Variants in VWA7 observed in about 807,000 individuals in gnomAD.
The protein encoded by VWA7 is von Willebrand factor A domain-containing protein 7.
Under a neutral mutation model 83.1 loss-of-function variants are expected in VWA7, and 66 were observed. That is an observed-to-expected ratio of 0.79 (90% CI 0.65 to 0.98). VWA7 has a LOEUF of 0.98. VWA7 is among the 50% of genes least tolerant of loss of function. The pLI, the probability that VWA7 is intolerant of heterozygous loss-of-function variation, is 0.00. For missense variants in VWA7, 1,080 were observed against 1,160.2 expected, an observed-to-expected ratio of 0.93 and a Z score of 1.00; for synonymous variants, 424 against 488.5, an observed-to-expected ratio of 0.87 and a Z score of 1.74.
chr6:31,765,797 G>A (rs1378772345), intron 16 of VWA7, 27 bp from the exon 17 acceptor site: 2 of 1,586,722 alleles, frequency 1.3e-6, no homozygotes, highest in Non-Finnish European at 8.6e-7. Context: ...GAGAATGACA[G>A]GGTGTGCTAG....
In VWA7 at chr6:31,776,928, G is replaced by T; in HGVS notation, c.-15-134C>A. On this transcript the variant is annotated intron_variant, in intron 1 of 16. Coordinates refer to ENST00000375688, the MANE Select transcript of VWA7 (RefSeq NM_025258.3). This position sits in a 1 kb window ranked among gnomAD's most constrained non-coding sequence, Gnocchi z 6.2. ...TCCAGCCTGGCTTCCCCACCCTCTCGCTGTCACCCAGACAACCTGAGGGCC... is the reference window on the plus strand; with the variant it reads ...TCCAGCCTGGCTTCCCCACCCTCTCTCTGTCACCCAGACAACCTGAGGGCC... 2.0e-6 allele frequency: 1 copy of T among 496,928 alleles called. No individual in the cohort carries two copies. The highest frequency in any genetic ancestry group is 3.4e-5 in the East Asian group (1 of 29,704). The allele number at this position is 496,928 out of a possible 1,614,324, so 30.8% of individuals were successfully genotyped here.
chr6:31,773,493 G>C lies in VWA7; in HGVS notation c.722-56C>G. On this transcript the variant is annotated intron_variant, in intron 5 of 16. Coordinates refer to ENST00000375688, the MANE Select transcript of VWA7 (RefSeq NM_025258.3). This position sits in a 1 kb window ranked among gnomAD's most constrained non-coding sequence, Gnocchi z 5.3. The stretch of plus-strand genomic sequence containing the variant: ...AGGTCAAAAACCCACTGCCTCCTAA[G>C]AAAATGAGGCCCTTTCAGGCCTGGC... The C allele has an allele frequency of 6.8e-7, 1 of 1,463,864 alleles. No individual in the cohort carries two copies. The highest frequency in any genetic ancestry group is 9.1e-7 in the Non-Finnish European group (1 of 1,097,934). The allele number at this position is 1,463,864 out of a possible 1,614,324, so 90.7% of individuals were successfully genotyped here. A position where few individuals can be genotyped will look rare whatever the true frequency, so the allele number is the denominator to read the frequency against.
chr6:31,776,392 A>G lies in VWA7; in HGVS notation c.235-150T>C. On this transcript the variant is annotated intron_variant, in intron 2 of 16. Transcript: ENST00000375688. This position sits in a 1 kb window ranked among gnomAD's most constrained non-coding sequence, Gnocchi z 6.2. Reference sequence around the variant, plus strand: ...GTCCCGGACCTTTCTAAGGAGGGGGACTCCTAATTTCAGGACCAAGACTAC... The same window carrying G: ...GTCCCGGACCTTTCTAAGGAGGGGGGCTCCTAATTTCAGGACCAAGACTAC... The G allele has an allele frequency of 7.8e-7, 1 of 1,281,408 alleles. No individual in the cohort carries two copies. Among genetic ancestry groups the G allele is most frequent in the Non-Finnish European group, 1.1e-6 (1 of 946,334 alleles). The allele number at this position is 1,281,408 out of a possible 1,614,324, so 79.4% of individuals were successfully genotyped here.
At position 31,766,856 on chromosome 6, in the gene VWA7, G is replaced by C; in HGVS notation, c.1883-92C>G. Reference sequence around the variant, plus strand: ...GCCTTCAAAATAGGGGTTCCCTCTGGGGAGTATGGATGGGAAAATAGGTTA... The same window carrying C: ...GCCTTCAAAATAGGGGTTCCCTCTGCGGAGTATGGATGGGAAAATAGGTTA... On this transcript the variant is annotated intron_variant, in intron 13 of 16. Transcript: ENST00000375688. The surrounding 1 kb of genome is among the most constrained non-coding windows in gnomAD (Gnocchi z 4.9). 4.2e-6 allele frequency: 6 copies of C among 1,416,662 alleles called. No individual in the cohort carries two copies. The highest frequency in any genetic ancestry group is 4.7e-6 in the Non-Finnish European group (5 of 1,055,628). 87.8% of individuals were successfully genotyped at this position (1,416,662 alleles called of 1,614,324 possible).
chr6:31,774,788 G>A (rs1459356357), intron 4 of VWA7, among the ~76,000 whole-genome samples, 162 bp from the exon 5 acceptor site: 6 of 152,128 alleles, frequency 3.9e-5, no homozygotes, highest in African/African-American at 1.2e-4. Flanking sequence ...TCATGGGCCC[G>A]CAGTGAGCCT....
At position 31,767,439 on chromosome 6, in the gene VWA7, G is replaced by T; in HGVS notation, c.1712C>A (p.Thr571Asn). 6.2e-7 allele frequency: 1 copy of T among 1,613,048 alleles called. No homozygotes were observed. The highest frequency in any genetic ancestry group is 8.5e-7 in the Non-Finnish European group (1 of 1,179,952). ...TRRFGQFWMVTMDDPPQTGTW... is the reference protein window; with the variant it reads ...TRRFGQFWMVNMDDPPQTGTW... ...TCCTGTCTGTGGAGGGTCATCCATG[G>T]TCACCATCCAGAACTGCCCAAAGCG... The change falls in exon 12 of 17, where the codon ACC becomes AAC. Residue 571 changes from threonine (T) to asparagine (N), a missense_variant. Physicochemically the swap from Thr to Asn is moderately conservative, Grantham distance 65. Coordinates refer to ENST00000375688, the MANE Select transcript of VWA7 (RefSeq NM_025258.3).
In VWA7 at chr6:31,777,251, T is replaced by G; in HGVS notation, c.-158A>C. 1 of 460,830 alleles carries G rather than the reference T, an allele frequency of 2.2e-6. No individual in the cohort carries two copies. Among genetic ancestry groups the G allele is most frequent in the Non-Finnish European group, 3.9e-6 (1 of 256,084 alleles). The allele number at this position is 460,830 out of a possible 1,614,324, so 28.5% of individuals were successfully genotyped here. On this transcript the variant is annotated 5_prime_UTR_variant, in exon 1 of 17. Coordinates refer to ENST00000375688, the MANE Select transcript of VWA7 (RefSeq NM_025258.3). The surrounding 1 kb of genome is among the most constrained non-coding windows in gnomAD (Gnocchi z 5.8). ...GGAGGACAGGCAACCCCTGGCCCTT[T>G]CGCTCCTGCCTGCCCAAAGCCACAG...
At chr6:31,770,398 G>A (rs1812059327) in intron 7 of VWA7, among the ~76,000 whole-genome samples, 1 of 150,910 alleles carries the variant, frequency 6.6e-6, no homozygotes. Flanking sequence ...AAAATTAGCT[G>A]GGCATGGTGA....
chr6:31,767,730 C>T lies in VWA7; in HGVS notation c.1528G>A (p.Val510Ile), dbSNP rs2151391508. 2 of 1,610,950 alleles carry T rather than the reference C, an allele frequency of 1.2e-6. No homozygotes were observed. The highest frequency in any genetic ancestry group is 2.2e-5 in the East Asian group (1 of 44,720). The change falls in exon 11 of 17, where the codon GTT (valine) becomes ATT (isoleucine). Residue 510 changes from valine (V) to isoleucine (I), a missense_variant. Val to Ile is a conservative substitution (Grantham distance 29). Coordinates refer to ENST00000375688, the MANE Select transcript of VWA7 (RefSeq NM_025258.3). ...ALVTLPLDPP[V>I]VVPGQPLVFS... Reference sequence around the variant, plus strand: ...ACAAGTGGCTGCCCAGGCACCACAACAGGAGGGTCCAGGGGAAGAGTCACC... The same window carrying T: ...ACAAGTGGCTGCCCAGGCACCACAATAGGAGGGTCCAGGGGAAGAGTCACC...
At position 31,767,439 on chromosome 6, in the gene VWA7, G is replaced by C; in HGVS notation, c.1712C>G (p.Thr571Ser). The C allele has an allele frequency of 6.2e-7, 1 of 1,613,048 alleles. No individual in the cohort carries two copies. Among genetic ancestry groups the C allele is most frequent in the South Asian group, 1.1e-5 (1 of 91,080 alleles). The change falls in exon 12 of 17, where the codon ACC (threonine) becomes AGC (serine). Residue 571 changes from threonine to serine, a missense_variant. Thr to Ser is a moderately conservative substitution (Grantham distance 58, BLOSUM62 1). Coordinates refer to ENST00000375688, the MANE Select transcript of VWA7 (RefSeq NM_025258.3). ...TCCTGTCTGTGGAGGGTCATCCATG[G>C]TCACCATCCAGAACTGCCCAAAGCG... The part of the protein sequence containing the change: ...TRRFGQFWMV[T>S]MDDPPQTGTW...
At position 31,767,058 on chromosome 6, in the gene VWA7, T is replaced by C. The variant is rs958345895; in HGVS notation, c.1882+100A>G. 111 of 361,624 alleles carry C rather than the reference T, an allele frequency of 3.1e-4. 1 individual carries two copies. In the East Asian group the frequency reaches 4.7e-3, roughly 15 times the overall value. 22.4% of individuals were successfully genotyped at this position (361,624 alleles called of 1,614,324 possible). ...ATATGCACAGATGTATGTATACATA[T>C]ATACATTATATATATAATATATATA... is the stretch of plus-strand genomic sequence containing the variant. On this transcript the variant is annotated intron_variant, in intron 13 of 16. Coordinates refer to ENST00000375688, the MANE Select transcript of VWA7 (RefSeq NM_025258.3).
rs982160946 is a variant in VWA7 at position 31,776,621 on chromosome 6, C to T, written c.159G>A (p.Ala53=). 1.4e-5 allele frequency: 21 copies of T among 1,548,714 alleles called. No homozygotes were observed. The highest frequency in any genetic ancestry group is 1.2e-4 in the Admixed American group (6 of 50,658). ...GGAAGAGCTGCAGGGTGACGTTGAG[C>T]GCTGCCTCCTCAGTTAGGTCTTGGT... ...ITHQDLTEEA[A]LNVTLQLFLE... The change falls in exon 2 of 17, where the codon GCG becomes GCA. Residue 53 remains alanine, a synonymous_variant. Transcript: ENST00000375688. The surrounding 1 kb of genome is among the most constrained non-coding windows in gnomAD (Gnocchi z 6.2).
chr6:31,767,752 C>A lies in VWA7; in HGVS notation c.1506G>T (p.Val502=), dbSNP rs1229951406. The change falls in exon 11 of 17, where the codon GTG becomes GTT. Residue 502 remains valine (V), a splice_region_variant and synonymous_variant. Transcript: ENST00000375688. Reference sequence around the variant, plus strand: ...CAACAGGAGGGTCCAGGGGAAGAGTCACCTTGAGGGATTGGCAGGACCAGA... The same window carrying A: ...CAACAGGAGGGTCCAGGGGAAGAGTAACCTTGAGGGATTGGCAGGACCAGA... ...AIVGESMAAL[V]TLPLDPPVVV... is the part of the protein sequence containing the mutation. 6.2e-7 allele frequency: 1 copy of A among 1,603,402 alleles called. No homozygotes were observed. Among genetic ancestry groups the A allele is most frequent in the East Asian group, 2.2e-5 (1 of 44,474 alleles).
In VWA7 at chr6:31,767,380, G is replaced by A; in HGVS notation, c.1771C>T (p.Pro591Ser). ...WEIQVTAEDT[P>S]GVRVQAQTSL... ...TCCTTACCTTGCACTCTCACCCCAGGGGTGTCCTCAGCTGTGACCTGGATC... is the reference window on the plus strand; with the variant it reads ...TCCTTACCTTGCACTCTCACCCCAGAGGTGTCCTCAGCTGTGACCTGGATC... Residue 591 changes from proline (P) to serine (S), a missense_variant, in exon 12 of 17, where the codon CCT becomes TCT. Pro to Ser is a moderately conservative substitution (Grantham distance 74). Coordinates refer to ENST00000375688, the MANE Select transcript of VWA7 (RefSeq NM_025258.3). 6.2e-7 allele frequency: 1 copy of A among 1,613,246 alleles called. No individual in the cohort carries two copies. Among genetic ancestry groups the A allele is most frequent in the Non-Finnish European group, 8.5e-7 (1 of 1,179,790 alleles).
rs1318028491 is a variant in VWA7 at position 31,774,727 on chromosome 6, G to A, written c.611-101C>T. On this transcript the variant is annotated intron_variant, in intron 4 of 16. Transcript: ENST00000375688. The stretch of plus-strand genomic sequence containing the variant: ...CAGCTTCTCCTCCCAGCTGGGATGA[G>A]GCGAACACCCAGAAGTTCCCTAGCA... 7.3e-6 allele frequency: 7 copies of A among 953,766 alleles called. No homozygotes were observed. In the African/African-American group the frequency reaches 9.9e-5, roughly 14 times the overall value. The allele number at this position is 953,766 out of a possible 1,614,324, so 59.1% of individuals were successfully genotyped here.
In VWA7 at chr6:31,767,077, ATATATAT is replaced by A. The variant is rs992119206; in HGVS notation, c.1882+74_1882+80del. 7.3e-4 allele frequency: 247 copies of A among 337,016 alleles called. 1 individual carries two copies. The highest frequency in any genetic ancestry group is 4.2e-3 in the Middle Eastern group (5 of 1,182). The allele number at this position is 337,016 out of a possible 1,614,324, so 20.9% of individuals were successfully genotyped here. On this transcript the variant is annotated intron_variant, in intron 13 of 16. Coordinates refer to ENST00000375688, the MANE Select transcript of VWA7 (RefSeq NM_025258.3). ...TACATATATACATTATATATATAAT[ATATATAT>A]TATATATTATATATTTTATATATAT... is the stretch of plus-strand genomic sequence containing the variant.
At chr6:31,772,869 G>A (rs1333825758) in intron 7 of VWA7, 85 bp downstream of exon 7, 5 of 1,503,926 alleles carry the variant, frequency 3.3e-6, no homozygotes, top group Admixed American at 1.9e-5. Flanking sequence ...AAAGTGCTGG[G>A]ATTACAGGCG....
intron 7 of VWA7, among the ~76,000 whole-genome samples, chr6:31,772,511 C>T (rs563822735): frequency 2.6e-5 from 4 of 151,596 alleles, no homozygotes; most frequent in Non-Finnish European, 4.4e-5. Context: ...GGAAGTGCCA[C>T]CCCGAGCCCA....
In VWA7 at chr6:31,766,645, C is replaced by T; in HGVS notation, c.2002G>A (p.Gly668Ser). The T allele has an allele frequency of 6.2e-7, 1 of 1,613,084 alleles. No individual in the cohort carries two copies. Among genetic ancestry groups the T allele is most frequent in the South Asian group, 1.1e-5 (1 of 91,086 alleles). Residue 668 changes from glycine to serine, a missense_variant, in exon 14 of 17, where the codon GGC (glycine) becomes AGC (serine). Coordinates refer to ENST00000375688, the MANE Select transcript of VWA7 (RefSeq NM_025258.3). This position sits in a 1 kb window ranked among gnomAD's most constrained non-coding sequence, Gnocchi z 4.9. The stretch of plus-strand genomic sequence containing the variant: ...CCCACGGGCTCCAAGGGCACCTGGC[C>T]TAGTTCGGCACCCTCTGGGACCCCT... ...LRGVPEGAEL[G>S]QVPLEPVGPP...
Sources: allele counts gnomAD v4.1 joint callset (sites outside exome capture counted in the v4.1 genomes callset), GRCh38; gene constraint gnomAD v4.1.1; non-coding constraint Gnocchi (gnomAD v3.1); transcripts MANE v1.5; gene names NCBI Gene and HGNC (gene_info 2026-07-23, HGNC 2026-07-21).